Variants in QTGAL observed in about 807,000 individuals in gnomAD.
The protein encoded by QTGAL is BGnT-like protein 1.
the QTGAL span, among the ~76,000 whole-genome samples, chr17:83,050,780 G>A: frequency 6.6e-6 from 1 of 150,984 alleles, no homozygotes; most frequent in Non-Finnish European, 1.5e-5. Context: ...AAGTGTGCTG[G>A]GCACACAGGC....
the QTGAL span, chr17:82,965,615 T>A: frequency 3.2e-6 from 5 of 1,548,166 alleles, no homozygotes; most frequent in African/African-American, 6.8e-5. Context: ...GCCCCGAACC[T>A]GGGGGAGGGA....
chr17:83,032,228 TTGGGAGCTGAACAACGGGTCAGAC>T, the QTGAL span, among the ~76,000 whole-genome samples: 2 of 64,212 alleles, frequency 3.1e-5, no homozygotes, highest in South Asian at 4.4e-4. Context: ...CAGACCGAGC[TTGGGAGCTGAACAACGGGTCAGAC>T]CAGGCCAGGC....
At chr17:83,012,719 C>T in the QTGAL span, among the ~76,000 whole-genome samples, 2 of 152,150 alleles carry the variant, frequency 1.3e-5, no homozygotes, top group Non-Finnish European at 2.9e-5. Context: ...TCCTGGAAAC[C>T]CCAGACTCTG....
the QTGAL span, among the ~76,000 whole-genome samples, chr17:82,957,026 T>C: frequency 6.6e-6 from 1 of 152,088 alleles, no homozygotes; most frequent in African/African-American, 2.4e-5. Flanking sequence ...ACAGCGGGGT[T>C]CTCCCCCCAA....
chr17:82,942,621 C>A, the QTGAL span: 1 of 897,948 alleles, frequency 1.1e-6, no homozygotes, highest in Non-Finnish European at 1.8e-6. Context: ...TTCCTCTCTG[C>A]ACCTGCGCTC....
chr17:83,014,629 C>A, the QTGAL span: 1 of 1,223,122 alleles, frequency 8.2e-7, no homozygotes, highest in South Asian at 1.3e-5. Context: ...AATCATAGCT[C>A]ACTGCAGCCT....
At chr17:82,996,437 A>G in the QTGAL span, among the ~76,000 whole-genome samples, 1 of 149,916 alleles carries the variant, frequency 6.7e-6, no homozygotes, top group Non-Finnish European at 1.5e-5. Flanking sequence ...CAGGAGAATC[A>G]CTCGAACCCT....
the QTGAL span, among the ~76,000 whole-genome samples, chr17:83,013,332 C>T: frequency 6.7e-6 from 1 of 148,538 alleles, no homozygotes; most frequent in South Asian, 2.3e-4. Context: ...CTCCGTGCAG[C>T]CGGCTGCACC....
the QTGAL span, among the ~76,000 whole-genome samples, chr17:82,959,067 C>CTG: frequency 4.0e-5 from 2 of 49,436 alleles, no homozygotes; most frequent in African/African-American, 1.9e-4. Flanking sequence ...TGTGTGTACA[C>CTG]TGGGGGTGTA....
At chr17:83,012,002 A>G in the QTGAL span, among the ~76,000 whole-genome samples, 6 of 124,514 alleles carry the variant, frequency 4.8e-5, no homozygotes, top group African/African-American at 1.6e-4. Context: ...CCTCGTATCC[A>G]TAAGTCTCCC....
the QTGAL span, among the ~76,000 whole-genome samples, chr17:83,039,082 C>G: frequency 3.9e-5 from 6 of 152,152 alleles, no homozygotes; most frequent in Admixed American, 3.9e-4. Flanking sequence ...TGATGACAGA[C>G]AGCTGCCAAC....
the QTGAL span, chr17:83,006,706 C>G: frequency 1.1e-5 from 11 of 985,484 alleles, no homozygotes; most frequent in African/African-American, 1.7e-4. The surrounding 1 kb of genome is among the most constrained non-coding windows in gnomAD (Gnocchi z 5.8). Context: ...CTTCTGTGCC[C>G]GGCTTTCGCA....
chr17:83,031,074 G>A, the QTGAL span, among the ~76,000 whole-genome samples: 169 of 152,268 alleles, frequency 1.1e-3, no homozygotes, highest in Non-Finnish European at 4.4e-4. Context: ...CTATTTAGAG[G>A]CTATTTTCTT....
chr17:83,019,304 G>C, the QTGAL span, among the ~76,000 whole-genome samples: 1 of 152,130 alleles, frequency 6.6e-6, no homozygotes, highest in African/African-American at 2.4e-5. Flanking sequence ...AGTGCGCAAA[G>C]ACAGCCAGGC....
the QTGAL span, among the ~76,000 whole-genome samples, chr17:83,023,224 G>C: frequency 0.012 from 402 of 34,060 alleles, 1 homozygote; most frequent in African/African-American, 0.039. Context: ...ACTGTCCCCG[G>C]CCCACCTGCA....
At chr17:82,961,082 G>A in the QTGAL span, 11 of 1,610,194 alleles carry the variant, frequency 6.8e-6, no homozygotes, top group Admixed American at 1.8e-4. Flanking sequence ...GTGGCCGCCT[G>A]TGGGTGGTGG....
At chr17:82,998,345 GTTTGT>G in the QTGAL span, among the ~76,000 whole-genome samples, 4 of 152,084 alleles carry the variant, frequency 2.6e-5, no homozygotes, top group Non-Finnish European at 5.9e-5. Flanking sequence ...TTACAACTTT[GTTTGT>G]TTTGTTTTGT....
the QTGAL span, among the ~76,000 whole-genome samples, chr17:82,974,998 G>A: frequency 3.2e-5 from 3 of 93,660 alleles, no homozygotes; most frequent in East Asian, 3.2e-4. Context: ...GGACAGAGCC[G>A]GACTCCATCC....
chr17:83,019,948 G>A, the QTGAL span, among the ~76,000 whole-genome samples: 16 of 152,056 alleles, frequency 1.1e-4, no homozygotes, highest in Non-Finnish European at 1.5e-4. Context: ...TGGCCAGGCT[G>A]GTCTCAAACT....
Sources: allele counts gnomAD v4.1 joint callset (sites outside exome capture counted in the v4.1 genomes callset), GRCh38; gene constraint gnomAD v4.1.1; non-coding constraint Gnocchi (gnomAD v3.1); transcripts MANE v1.5; gene names NCBI Gene and HGNC (gene_info 2026-07-23, HGNC 2026-07-21).